DBF4: variants seen among roughly 807,000 people sequenced by gnomAD.
The protein encoded by DBF4 is DBF4-CDC7 kinase regulatory subunit.
A neutral mutation model predicts 76.6 loss-of-function variants in DBF4; 25 were observed. The observed-to-expected ratio is 0.33, with a 90% CI of 0.24 to 0.46. DBF4 has a LOEUF of 0.46. DBF4 is among the 20% of genes least tolerant of loss of function. DBF4 has a pLI of 1.00. For synonymous variants in DBF4, 213 were observed against 258.0 expected, an observed-to-expected ratio of 0.83 and a Z score of 1.67; for missense variants, 638 against 760.8, an observed-to-expected ratio of 0.84 and a Z score of 1.90.
chr7:87,888,924 G>C (rs1176080016), intron 6 of DBF4, among the ~76,000 whole-genome samples: 2 of 151,904 alleles, frequency 1.3e-5, no homozygotes, highest in Non-Finnish European at 2.9e-5. Flanking sequence ...CTTTTCCTTT[G>C]TTCAATATTT....
chr7:87,903,955 C>G (rs1037586934), intron 10 of DBF4, among the ~76,000 whole-genome samples: 3 of 152,164 alleles, frequency 2.0e-5, no homozygotes, highest in African/African-American at 7.2e-5. Context: ...CTCGGCCTCC[C>G]AGAGTGCTGG....
intron 6 of DBF4, 114 bp downstream of exon 6, chr7:87,888,173 T>G (rs919655844): frequency 1.8e-5 from 23 of 1,311,096 alleles, no homozygotes; most frequent in Non-Finnish European, 1.8e-5. Context: ...GTGTATGATG[T>G]GCCTGTTTCT....
intron 3 of DBF4, 113 bp downstream of exon 3, chr7:87,885,271 A>C: frequency 1.1e-6 from 1 of 887,366 alleles, no homozygotes; most frequent in Non-Finnish European, 1.7e-6. Context: ...TTGCAAAGCC[A>C]CATGATGTGT....
chr7:87,898,634 A>G (rs1839696019), intron 8 of DBF4, among the ~76,000 whole-genome samples: 1 of 151,952 alleles, frequency 6.6e-6, no homozygotes, highest in Non-Finnish European at 1.5e-5. Context: ...TACTAAAAAT[A>G]TAAAAAATTA....
In DBF4 at chr7:87,909,029, T is replaced by C. The variant is rs1264206912; in HGVS notation, c.*866T>C. On this transcript the variant is annotated 3_prime_UTR_variant, in exon 12 of 12. Transcript: ENST00000265728. Reference sequence around the variant, plus strand: ...AAGTGCAGGTTGCAGTGAGCCAAGATTGTGCCACTGTATTCCAGACTGGGT... The same window carrying C: ...AAGTGCAGGTTGCAGTGAGCCAAGACTGTGCCACTGTATTCCAGACTGGGT... The C allele has an allele frequency of 6.6e-6, 1 of 152,116 alleles. No individual in the cohort carries two copies. The highest frequency in any genetic ancestry group is 1.5e-5 in the Non-Finnish European group (1 of 68,036). 9.4% of individuals were successfully genotyped at this position (152,116 alleles called of 1,614,324 possible).
intron 7 of DBF4, 141 bp downstream of exon 7, chr7:87,896,651 T>A: frequency 1.5e-6 from 1 of 677,672 alleles, no homozygotes; most frequent in East Asian, 3.0e-5. Flanking sequence ...CTTGGTGAAG[T>A]TTGGTGAAGC....
chr7:87,905,000 G>T (rs971549155), intron 11 of DBF4, among the ~76,000 whole-genome samples: 1 of 152,008 alleles, frequency 6.6e-6, no homozygotes, highest in Non-Finnish European at 1.5e-5. Context: ...ACCCAGGCCG[G>T]AGTGCAGTTG....
At chr7:87,894,869 G>T (rs1414266078) in intron 6 of DBF4, among the ~76,000 whole-genome samples, 1 of 152,066 alleles carries the variant, frequency 6.6e-6, no homozygotes, top group African/African-American at 2.4e-5. Context: ...AAGTTCGATT[G>T]TGCCTACACT....
intron 2 of DBF4, among the ~76,000 whole-genome samples, chr7:87,881,944 A>G (rs1320135994): frequency 6.6e-6 from 1 of 152,242 alleles, no homozygotes; most frequent in Admixed American, 6.5e-5. Context: ...ATATATGTCA[A>G]TGCAGTTTGT....
chr7:87,878,450 G>C, intron 2 of DBF4: 1 of 415,548 alleles, frequency 2.4e-6, no homozygotes, highest in Non-Finnish European at 4.3e-6. Flanking sequence ...AGTTCTTAGA[G>C]TGTAAGACTC....
chr7:87,907,665 T>A lies in DBF4; in HGVS notation c.1527T>A (p.Asp509Glu). ...NSGSQPKQKS[D>E]TVLFPAKDLK... ...GATCTCAACCAAAACAGAAGTCAGA[T>A]ACTGTGCTTTTTCCAGCAAAGGATC... Residue 509 changes from aspartate to glutamate, a missense_variant, in exon 12 of 12, where the codon GAT becomes GAA. Asp to Glu is a conservative substitution (Grantham distance 45). Transcript: ENST00000265728. The A allele has an allele frequency of 6.2e-7, 1 of 1,614,036 alleles. No homozygotes were observed. The highest frequency in any genetic ancestry group is 1.7e-4 in the Middle Eastern group (1 of 6,060).
chr7:87,888,163 G>C (rs1839407180), intron 6 of DBF4, 104 bp downstream of exon 6: 4 of 1,341,504 alleles, frequency 3.0e-6, no homozygotes, highest in Non-Finnish European at 3.9e-6. Context: ...GGGCAAGCCT[G>C]TGTATGATGT....
intron 6 of DBF4, among the ~76,000 whole-genome samples, chr7:87,895,689 T>C (rs977156646): frequency 2.0e-5 from 3 of 152,238 alleles, no homozygotes; most frequent in South Asian, 2.1e-4. Flanking sequence ...TCCCTTTCTC[T>C]AACTTGCTCT....
intron 2 of DBF4, among the ~76,000 whole-genome samples, chr7:87,881,165 G>C (rs1839204786): frequency 6.6e-6 from 1 of 152,166 alleles, no homozygotes; most frequent in African/African-American, 2.4e-5. Context: ...CTAGCACTTT[G>C]GGAGGCTGAG....
chr7:87,895,471 G>A (rs976809888), intron 6 of DBF4, among the ~76,000 whole-genome samples: 1 of 151,820 alleles, frequency 6.6e-6, no homozygotes. Flanking sequence ...ATAGTCTGTA[G>A]GATGCTGATT....
chr7:87,901,567 T>A (rs1414426434), intron 10 of DBF4, among the ~76,000 whole-genome samples: 2 of 152,158 alleles, frequency 1.3e-5, no homozygotes, highest in African/African-American at 4.8e-5. Context: ...GGGCTTATTA[T>A]TTATAATGGG....
Position 87,896,475 on chromosome 7 carries a change from G to A in DBF4, c.599G>A (p.Gly200Asp). The A allele has an allele frequency of 6.2e-7, 1 of 1,609,842 alleles. No homozygotes were observed. Among genetic ancestry groups the A allele is most frequent in the Non-Finnish European group, 8.5e-7 (1 of 1,178,318 alleles). ...TTTTCACTATATATTTTTTTTTAGG[G>A]CAAAAGAGTTGGTAGTGGTGCACAA... ...KKSSTSVRDG[G>D]KRVGSGAQKT... Residue 200 changes from glycine (G) to aspartate (D), a missense_variant and splice_region_variant, in exon 7 of 12, where the codon GGC becomes GAC. By Grantham distance (94) the Gly-to-Asp change is moderately conservative. Transcript: ENST00000265728.
intron 6 of DBF4, 137 bp from the exon 7 acceptor site, chr7:87,896,337 T>C: frequency 3.0e-6 from 2 of 667,370 alleles, no homozygotes; most frequent in Non-Finnish European, 5.1e-6. Flanking sequence ...ACAATAGTTT[T>C]TTTTAACAAA....
chr7:87,904,943 T>C (rs1839882142), intron 11 of DBF4, among the ~76,000 whole-genome samples: 1 of 152,156 alleles, frequency 6.6e-6, no homozygotes, highest in South Asian at 2.1e-4. Flanking sequence ...GTAAAACTTT[T>C]CCTTTTTTAA....
Sources: allele counts gnomAD v4.1 joint callset (sites outside exome capture counted in the v4.1 genomes callset), GRCh38; gene constraint gnomAD v4.1.1; transcripts MANE v1.5; gene names NCBI Gene and HGNC (gene_info 2026-07-23, HGNC 2026-07-21).